Variants in TMTC2 observed in about 807,000 individuals in gnomAD.
The protein encoded by TMTC2 is transmembrane O-mannosyltransferase targeting cadherins 2.
Under a neutral mutation model 82.4 loss-of-function variants are expected in TMTC2, and 43 were observed. The ratio of observed to expected loss-of-function variants is 0.52; its 90% CI spans 0.41 to 0.67. The LOEUF is 0.67. Among genes scored for constraint, TMTC2 ranks in the 30% least tolerant of loss-of-function variants. TMTC2 has a pLI of 0.00. For missense variants in TMTC2, 919 were observed against 1,012.4 expected, an observed-to-expected ratio of 0.91 and a Z score of 1.25; for synonymous variants, 408 against 381.9, an observed-to-expected ratio of 1.07 and a Z score of -0.80.
intron 11 of TMTC2, among the ~76,000 whole-genome samples, chr12:83,102,726 T>C (rs1884260934): frequency 1.3e-5 from 2 of 152,212 alleles, no homozygotes; most frequent in South Asian, 2.1e-4. Context: ...TCTGTATGTG[T>C]CACTTCCTCT....
At chr12:82,999,500 T>A (rs1360858676) in intron 8 of TMTC2, among the ~76,000 whole-genome samples, 10 of 152,168 alleles carry the variant, frequency 6.6e-5, no homozygotes. Context: ...CTCCCAAGAC[T>A]GGGCAATTTA....
chr12:82,841,871 A>C (rs1272743327), intron 1 of TMTC2, among the ~76,000 whole-genome samples: 1 of 152,200 alleles, frequency 6.6e-6, no homozygotes, highest in Admixed American at 6.5e-5. Context: ...CTTTTGACTC[A>C]AGTTTTCCAA....
At chr12:82,831,631 C>T (rs544640135) in intron 1 of TMTC2, among the ~76,000 whole-genome samples, 2 of 152,164 alleles carry the variant, frequency 1.3e-5, no homozygotes, top group South Asian at 4.1e-4. Flanking sequence ...TGTATTTTTC[C>T]TGAAATTGTC....
chr12:82,901,244 G>A lies in TMTC2; in HGVS notation c.1483+4598G>A, dbSNP rs1384646631. On this transcript the variant is annotated intron_variant, in intron 3 of 11. Coordinates refer to ENST00000321196, the MANE Select transcript of TMTC2 (RefSeq NM_152588.3). ...TATATATACCTGGAATATATATATAGGAATATATATATATCTGGAATATAT... is the reference window on the plus strand; with the variant it reads ...TATATATACCTGGAATATATATATAAGAATATATATATATCTGGAATATAT... 1.1e-4 allele frequency among the ~76,000 whole-genome samples: 15 copies of A among 132,836 alleles called. 1 individual carries two copies. The highest frequency in any genetic ancestry group is 2.2e-4 in the Non-Finnish European group (14 of 63,554). The allele number at this position is 132,836 out of a possible 152,430, so 87.1% of individuals were successfully genotyped here. A position where few individuals can be genotyped will look rare whatever the true frequency, so the allele number is the denominator to read the frequency against.
chr12:83,069,102 C>T (rs1047092957), intron 11 of TMTC2, among the ~76,000 whole-genome samples: 3 of 152,098 alleles, frequency 2.0e-5, no homozygotes, highest in Admixed American at 6.6e-5. Context: ...TTTATCCACT[C>T]GTTGATTGAT....
At chr12:82,690,623 C>T (rs919345345) in intron 1 of TMTC2, among the ~76,000 whole-genome samples, 1 of 152,116 alleles carries the variant, frequency 6.6e-6, no homozygotes, top group East Asian at 1.9e-4. Flanking sequence ...GAATATGCCT[C>T]TGATGTGATG....
intron 1 of TMTC2, among the ~76,000 whole-genome samples, chr12:82,854,246 T>C (rs770997297): frequency 5.3e-5 from 8 of 152,244 alleles, no homozygotes; most frequent in Non-Finnish European, 8.8e-5. Context: ...ACACTCAAAA[T>C]ATCAGTTTAG....
chr12:82,805,668 C>T (rs11610513), intron 1 of TMTC2, among the ~76,000 whole-genome samples: 8,554 of 151,676 alleles, frequency 0.056, 305 homozygotes, highest in Middle Eastern at 0.14. Flanking sequence ...GCACCACGCC[C>T]GGCTTTTTTT....
At chr12:82,843,403 G>T (rs1482561952) in intron 1 of TMTC2, among the ~76,000 whole-genome samples, 1 of 151,888 alleles carries the variant, frequency 6.6e-6, no homozygotes, top group African/African-American at 2.4e-5. Flanking sequence ...TTACTTTCCA[G>T]TGTCCACATC....
chr12:82,840,527 ATAT>A (rs1464894890), intron 1 of TMTC2, among the ~76,000 whole-genome samples: 5 of 152,184 alleles, frequency 3.3e-5, no homozygotes, highest in African/African-American at 9.7e-5. Context: ...CATAGAAAAA[ATAT>A]TATTTTATTG....
chr12:82,973,430 G>A (rs1229729557), intron 7 of TMTC2, among the ~76,000 whole-genome samples: 1 of 152,070 alleles, frequency 6.6e-6, no homozygotes, highest in East Asian at 1.9e-4. Context: ...AATTTTAGAA[G>A]TATACTTTGA....
Position 83,061,765 on chromosome 12 carries a change from C to T in TMTC2, c.2268-3C>T. The T allele has an allele frequency of 6.3e-7, 1 of 1,585,792 alleles. No homozygotes were observed. The highest frequency in any genetic ancestry group is 1.2e-5 in the South Asian group (1 of 83,504). On this transcript the variant is annotated splice_polypyrimidine_tract_variant and splice_region_variant and intron_variant, in intron 10 of 11. Transcript: ENST00000321196. ...TAGTTTTATTTTATTTTTTCTTTTACAGACAGGCTAGCCTCAATGAAGCAG... is the reference window on the plus strand; with the variant it reads ...TAGTTTTATTTTATTTTTTCTTTTATAGACAGGCTAGCCTCAATGAAGCAG...
chr12:82,697,032 A>G (rs1304688412), intron 1 of TMTC2, among the ~76,000 whole-genome samples: 1 of 150,898 alleles, frequency 6.6e-6, no homozygotes, highest in Admixed American at 6.7e-5. Context: ...TCTGTGGGAA[A>G]CACATATGGA....
At chr12:82,841,546 G>A (rs1011698997) in intron 1 of TMTC2, among the ~76,000 whole-genome samples, 3 of 152,120 alleles carry the variant, frequency 2.0e-5, no homozygotes, top group African/African-American at 7.2e-5. Flanking sequence ...GCATATCCGT[G>A]TGTCCGAAAA....
intron 7 of TMTC2, among the ~76,000 whole-genome samples, chr12:82,976,048 C>G (rs1315632249): frequency 6.6e-6 from 1 of 152,178 alleles, no homozygotes; most frequent in African/African-American, 2.4e-5. Flanking sequence ...CTGTCCCCAA[C>G]ATACTCGTGA....
At chr12:82,864,422 G>A (rs1237549082) in intron 2 of TMTC2, among the ~76,000 whole-genome samples, 1 of 151,690 alleles carries the variant, frequency 6.6e-6, no homozygotes, top group East Asian at 1.9e-4. Flanking sequence ...GGTTCCTTTG[G>A]TGATGAACTG....
chr12:83,031,156 A>G (rs1446407431), intron 9 of TMTC2, among the ~76,000 whole-genome samples: 4 of 152,166 alleles, frequency 2.6e-5, no homozygotes, highest in Non-Finnish European at 4.4e-5. Context: ...ATGAGATCTC[A>G]TCAGGAAAGC....
intron 9 of TMTC2, among the ~76,000 whole-genome samples, chr12:83,043,225 A>G (rs1292461391): frequency 6.6e-6 from 1 of 152,174 alleles, no homozygotes; most frequent in Non-Finnish European, 1.5e-5. Context: ...TATCTCAGAG[A>G]ATTAGTGTTA....
At chr12:82,772,444 T>A (rs182744811) in intron 1 of TMTC2, among the ~76,000 whole-genome samples, 9 of 152,020 alleles carry the variant, frequency 5.9e-5, no homozygotes, top group Middle Eastern at 6.8e-3. Flanking sequence ...TTAATTAAAA[T>A]TTTTTTTTAT....
Sources: allele counts gnomAD v4.1 joint callset (sites outside exome capture counted in the v4.1 genomes callset), GRCh38; gene constraint gnomAD v4.1.1; transcripts MANE v1.5; gene names NCBI Gene and HGNC (gene_info 2026-07-23, HGNC 2026-07-21).